Variants in ODAD2 observed in about 807,000 individuals in gnomAD.
ODAD2 encodes the protein outer dynein arm docking complex subunit 2.
In ODAD2, 89 loss-of-function variants were observed where a neutral mutation model predicts 106.8. The ratio of observed to expected loss-of-function variants is 0.83; its 90% CI spans 0.70 to 0.99. ODAD2 has a LOEUF of 0.99. Among genes scored for constraint, ODAD2 ranks in the 50% least tolerant of loss-of-function variants. The probability of loss-of-function intolerance (pLI) is 0.00; values close to 1 mark genes in which losing one functional copy is unlikely to be tolerated. For missense variants in ODAD2, 1,168 were observed against 1,238.5 expected (o/e 0.94, Z 0.85); for synonymous variants, 404 against 436.2 (o/e 0.93, Z 0.92).
At position 27,812,262 on chromosome 10, in the gene ODAD2, A is replaced by G; in HGVS notation, c.*250T>C. ...CATATACGTATATTCTCATATTCTT[A>G]GAAACTTATCACAGGTTTATTGGCT... On this transcript the variant is annotated 3_prime_UTR_variant, in exon 20 of 20. Coordinates refer to ENST00000305242, the MANE Select transcript of ODAD2 (RefSeq NM_018076.5). 2.1e-6 allele frequency: 1 copy of G among 477,922 alleles called. No homozygotes were observed. The highest frequency in any genetic ancestry group is 3.6e-6 in the Non-Finnish European group (1 of 275,478). 29.6% of individuals were successfully genotyped at this position (477,922 alleles called of 1,614,324 possible). A position where few individuals can be genotyped will look rare whatever the true frequency, so the allele number is the denominator to read the frequency against.
intron 16 of ODAD2, among the ~76,000 whole-genome samples, chr10:27,909,817 G>GAA (rs35449629): frequency 0.063 from 3,525 of 56,098 alleles, 621 homozygotes; most frequent in African/African-American, 0.19. Context: ...GTCTTCATTT[G>GAA]AAAAAAAAAA....
intron 17 of ODAD2, among the ~76,000 whole-genome samples, chr10:27,865,378 G>A (rs778230640): frequency 4.6e-5 from 7 of 152,174 alleles, no homozygotes; most frequent in African/African-American, 7.2e-5. Context: ...GTCCTCAAAT[G>A]TGCATGTCTC....
chr10:27,944,479 T>C (rs982805868), intron 11 of ODAD2, 48 bp from the exon 12 acceptor site: 3 of 1,538,888 alleles, frequency 1.9e-6, no homozygotes, highest in East Asian at 4.5e-5. Context: ...ACCCGTGCTA[T>C]GTTTTTAAAA....
At position 27,910,896 on chromosome 10, in the gene ODAD2, G is replaced by A. The variant is rs781123116; in HGVS notation, c.2496-3119C>T. On this transcript the variant is annotated intron_variant, in intron 16 of 19. Transcript: ENST00000305242. ...CCTTCCTAGGGTATATATAAAGTGG[G>A]TTCCCGTGAGCCTCTAGTCAGAATG... Among the ~76,000 whole-genome samples the A allele has an allele frequency of 9.5e-4, 144 of 152,120 alleles. 3 individuals carry two copies. The highest frequency in any genetic ancestry group is 1.9e-4 in the Non-Finnish European group (13 of 68,012).
At chr10:27,975,723 A>T (rs965919782) in intron 7 of ODAD2, among the ~76,000 whole-genome samples, 4 of 152,194 alleles carry the variant, frequency 2.6e-5, no homozygotes, top group African/African-American at 7.2e-5. Flanking sequence ...CCGACCAAAC[A>T]TTTAATAAAC....
chr10:27,858,383 T>G (rs533745281), intron 19 of ODAD2, among the ~76,000 whole-genome samples: 1 of 152,188 alleles, frequency 6.6e-6, no homozygotes, highest in African/African-American at 2.4e-5. Context: ...TCTGCCTCTA[T>G]GTTATTGCAG....
intron 17 of ODAD2, among the ~76,000 whole-genome samples, chr10:27,878,594 T>A (rs1009348287): frequency 6.6e-6 from 1 of 152,136 alleles, no homozygotes; most frequent in Non-Finnish European, 1.5e-5. Context: ...GACCACAGGA[T>A]GCATAATATA....
intron 19 of ODAD2, chr10:27,813,199 G>GCTATC (rs1335277224): frequency 2.6e-5 from 4 of 152,290 alleles, no homozygotes; most frequent in Admixed American, 2.6e-4. Context: ...CTTTACTGAT[G>GCTATC]CTATCCCCTA....
intron 16 of ODAD2, among the ~76,000 whole-genome samples, chr10:27,913,090 T>G (rs1844121301): frequency 6.6e-6 from 1 of 152,134 alleles, no homozygotes; most frequent in African/African-American, 2.4e-5. Context: ...TCTAGAAATC[T>G]TTTTTGTCAG....
At chr10:27,973,371 G>T (rs1273202291) in intron 7 of ODAD2, among the ~76,000 whole-genome samples, 3 of 152,226 alleles carry the variant, frequency 2.0e-5, no homozygotes, top group South Asian at 4.1e-4. Flanking sequence ...GGGTACATGT[G>T]CAGGCTTGTT....
chr10:27,917,466 G>C (rs1049134133), intron 16 of ODAD2, among the ~76,000 whole-genome samples: 1 of 151,712 alleles, frequency 6.6e-6, no homozygotes, highest in Non-Finnish European at 1.5e-5. Flanking sequence ...TAAGAAGCTA[G>C]AAAAAGAAGC....
intron 16 of ODAD2, among the ~76,000 whole-genome samples, chr10:27,924,978 T>C (rs1845154684): frequency 7.7e-6 from 1 of 130,520 alleles, no homozygotes. Context: ...TGTTCCAGAG[T>C]ATTTAAAATG....
intron 19 of ODAD2, among the ~76,000 whole-genome samples, chr10:27,822,461 C>A (rs564499108): frequency 6.6e-6 from 1 of 152,252 alleles, no homozygotes; most frequent in South Asian, 2.1e-4. Flanking sequence ...CTGACATTCT[C>A]CTGTTTACAA....
At chr10:27,815,032 AT>A (rs1836022473) in intron 19 of ODAD2, among the ~76,000 whole-genome samples, 1 of 152,004 alleles carries the variant, frequency 6.6e-6, no homozygotes, top group South Asian at 2.1e-4. Flanking sequence ...TTTAGCCCCC[AT>A]TTCCAGAAGA....
At chr10:27,876,517 T>A (rs1841350859) in intron 17 of ODAD2, among the ~76,000 whole-genome samples, 1 of 152,210 alleles carries the variant, frequency 6.6e-6, no homozygotes, top group African/African-American at 2.4e-5. Flanking sequence ...ATGAATCTGT[T>A]ATTTTCTTTA....
intron 19 of ODAD2, among the ~76,000 whole-genome samples, chr10:27,857,941 A>G (rs887613629): frequency 1.3e-5 from 2 of 152,208 alleles, no homozygotes; most frequent in African/African-American, 4.8e-5. Context: ...AGGAACAAAG[A>G]CAGCCAGGGT....
Position 27,940,808 on chromosome 10 carries a change from A to C in ODAD2, c.1744-3T>G. The C allele has an allele frequency of 6.2e-7, 1 of 1,610,082 alleles. No individual in the cohort carries two copies. Among genetic ancestry groups the C allele is most frequent in the Non-Finnish European group, 8.5e-7 (1 of 1,177,140 alleles). ...TGTGCACAGTCTAGTAGAGCAACCT[A>C]TAATAATAGATAAATCCAATGTTCA... On this transcript the variant is annotated splice_region_variant and splice_polypyrimidine_tract_variant and intron_variant, in intron 12 of 19. Coordinates refer to ENST00000305242, the MANE Select transcript of ODAD2 (RefSeq NM_018076.5).
intron 17 of ODAD2, among the ~76,000 whole-genome samples, chr10:27,878,717 T>C (rs1270313236): frequency 6.6e-6 from 1 of 152,156 alleles, no homozygotes; most frequent in African/African-American, 2.4e-5. Context: ...AATCTTGTCG[T>C]CAAAAGTATA....
intron 19 of ODAD2, among the ~76,000 whole-genome samples, chr10:27,824,797 T>C (rs1434543616): frequency 6.6e-6 from 1 of 152,238 alleles, no homozygotes; most frequent in Non-Finnish European, 1.5e-5. Flanking sequence ...GTCTGTATTC[T>C]GTTGTTAGAT....
Sources: allele counts gnomAD v4.1 joint callset (sites outside exome capture counted in the v4.1 genomes callset), GRCh38; gene constraint gnomAD v4.1.1; transcripts MANE v1.5; gene names NCBI Gene and HGNC (gene_info 2026-07-23, HGNC 2026-07-21).